The following SEPTIN11 variants were observed in gnomAD, a reference collection of about 807,000 sequenced individuals.
The protein encoded by SEPTIN11 is septin 11, also known as septin-11.
In SEPTIN11, 25 loss-of-function variants were observed where a neutral mutation model predicts 51.4. The ratio of observed to expected loss-of-function variants is 0.49; its 90% CI spans 0.35 to 0.68. The LOEUF is 0.68. SEPTIN11 is among the 30% of genes least tolerant of loss of function. The pLI is 0.00. For synonymous variants in SEPTIN11, 174 were observed against 184.1 expected (o/e 0.95, Z 0.44); for missense variants, 381 against 520.8 (o/e 0.73, Z 2.61).
chr4:76,979,462 A>G (rs1424939664), intron 1 of SEPTIN11, among the ~76,000 whole-genome samples: 2 of 152,216 alleles, frequency 1.3e-5, no homozygotes, highest in Admixed American at 1.3e-4. Flanking sequence ...TGGTGGACTT[A>G]GAATCTGGCA....
At chr4:76,995,894 A>C (rs1426454019) in intron 1 of SEPTIN11, 1 of 1,535,538 alleles carries the variant, frequency 6.5e-7, no homozygotes, top group African/African-American at 1.4e-5. Flanking sequence ...GGAGGAGAGG[A>C]AACCAGCTCA....
At chr4:76,985,320 T>C (rs1358057171) in intron 1 of SEPTIN11, among the ~76,000 whole-genome samples, 1 of 152,248 alleles carries the variant, frequency 6.6e-6, no homozygotes, top group African/African-American at 2.4e-5. Context: ...GCTCTAGCTT[T>C]GTACAGTTTT....
At chr4:76,980,833 C>A (rs193282106) in intron 1 of SEPTIN11, among the ~76,000 whole-genome samples, 2 of 152,312 alleles carry the variant, frequency 1.3e-5, no homozygotes, top group Admixed American at 6.5e-5. Context: ...GTTTGTCTTT[C>A]ACCCTGAGTC....
At chr4:77,026,456 G>A (rs555368679) in intron 7 of SEPTIN11, among the ~76,000 whole-genome samples, 19 of 152,278 alleles carry the variant, frequency 1.2e-4, no homozygotes, top group African/African-American at 4.6e-4. Flanking sequence ...GCCTCTCCAG[G>A]ACTGAACTTC....
At chr4:76,992,034 A>G (rs759269887) in intron 1 of SEPTIN11, among the ~76,000 whole-genome samples, 5 of 152,254 alleles carry the variant, frequency 3.3e-5, no homozygotes, top group Non-Finnish European at 5.9e-5. Flanking sequence ...TTACCTAATT[A>G]CAAATCCTTA....
chr4:76,996,656 A>G (rs1166332452), intron 2 of SEPTIN11, 117 bp downstream of exon 2: 2 of 775,732 alleles, frequency 2.6e-6, no homozygotes, highest in Non-Finnish European at 4.2e-6. Flanking sequence ...TTCTTTCATC[A>G]GTAAAACAAG....
chr4:77,011,679 A>C, intron 3 of SEPTIN11, 56 bp from the exon 4 acceptor site: 1 of 1,514,834 alleles, frequency 6.6e-7, no homozygotes, highest in Admixed American at 1.7e-5. Flanking sequence ...TGTTGAATGG[A>C]GGATTGTCCT....
At chr4:77,027,987 T>C (rs569528931) in intron 7 of SEPTIN11, among the ~76,000 whole-genome samples, 15 of 152,360 alleles carry the variant, frequency 9.8e-5, no homozygotes, top group Admixed American at 2.6e-4. Flanking sequence ...TTTTCTACAG[T>C]ACCTTTAAAG....
chr4:76,982,007 T>C (rs891568604), intron 1 of SEPTIN11, among the ~76,000 whole-genome samples: 10 of 152,214 alleles, frequency 6.6e-5, no homozygotes, highest in African/African-American at 2.4e-4. Context: ...TAGCACATCC[T>C]GGGCATAATG....
intron 9 of SEPTIN11, 63 bp downstream of exon 9, chr4:77,031,033 T>C (rs16996592): frequency 0.029 from 42,652 of 1,450,418 alleles, 893 homozygotes; most frequent in African/African-American, 0.088. Flanking sequence ...TGCATGTCTC[T>C]ACTTTTCCCA....
At chr4:76,977,430 C>G (rs1294985972) in intron 1 of SEPTIN11, among the ~76,000 whole-genome samples, 1 of 152,084 alleles carries the variant, frequency 6.6e-6, no homozygotes, top group Non-Finnish European at 1.5e-5. Flanking sequence ...AAATGGGGGT[C>G]TAAGTAAATA....
At chr4:77,013,467 C>G (rs1279624584) in intron 4 of SEPTIN11, among the ~76,000 whole-genome samples, 1 of 152,130 alleles carries the variant, frequency 6.6e-6, no homozygotes, top group African/African-American at 2.4e-5. Flanking sequence ...ATCAATTTGG[C>G]CAAGAAAGAG....
chr4:76,991,795 C>T (rs1483138395), intron 1 of SEPTIN11, among the ~76,000 whole-genome samples: 1 of 152,188 alleles, frequency 6.6e-6, no homozygotes, highest in Non-Finnish European at 1.5e-5. Context: ...CATTGTAAAA[C>T]CTCTTAAGGG....
chr4:77,003,891 T>C (rs1724298759), intron 2 of SEPTIN11, among the ~76,000 whole-genome samples: 2 of 152,160 alleles, frequency 1.3e-5, no homozygotes, highest in African/African-American at 2.4e-5. Context: ...TAGGAACATA[T>C]TGGGATTAGA....
At chr4:77,029,291 A>C (rs1726417984) in intron 8 of SEPTIN11, among the ~76,000 whole-genome samples, 1 of 152,068 alleles carries the variant, frequency 6.6e-6, no homozygotes, top group Admixed American at 6.6e-5. Flanking sequence ...GCTTCCTAGA[A>C]GTTAACATAG....
intron 1 of SEPTIN11, 111 bp from the exon 2 acceptor site, chr4:76,996,314 T>C (rs1723716077): frequency 2.4e-6 from 2 of 825,604 alleles, no homozygotes; most frequent in Non-Finnish European, 4.0e-6. Context: ...GAGGGTCTCC[T>C]TTTTCCATGT....
In SEPTIN11 at chr4:76,979,757, C is replaced by T. The variant is rs546363996; in HGVS notation, c.28-16668C>T. On this transcript the variant is annotated intron_variant, in intron 1 of 9. Coordinates refer to ENST00000264893, the MANE Select transcript of SEPTIN11 (RefSeq NM_018243.4). ...AAAATTAGCCGAGCGTGCTGGTGGG[C>T]GCCTGTAATCCCAGCTAGTTGGGAT... Among the ~76,000 whole-genome samples the T allele has an allele frequency of 2.0e-3, 299 of 151,420 alleles. 3 individuals carry two copies. Among genetic ancestry groups the T allele is most frequent in the African/African-American group, 6.5e-3 (269 of 41,204 alleles).
rs769449041 is a variant in SEPTIN11, at chr4:77,014,989, C to A, written c.659C>A (p.Thr220Lys). 1 of 1,613,672 alleles carries A rather than the reference C, an allele frequency of 6.2e-7. No homozygotes were observed. Among genetic ancestry groups the A allele is most frequent in the South Asian group, 1.1e-5 (1 of 90,914 alleles). Residue 220 changes from threonine (T) to lysine (K), a missense_variant, in exon 5 of 10, where the codon ACG becomes AAG. By Grantham distance (78) the Thr-to-Lys change is moderately conservative (BLOSUM62 -1). This residue lies in a region of SEPTIN11 where 197 missense variants were observed against 313.1 expected (regional missense o/e 0.63). Transcript: ENST00000264893. ...TATCAGTTTCCCACTGATGAAGAAA[C>A]GGTGGCAGAGATTAACGCAACAATG... ...QIYQFPTDEE[T>K]VAEINATMSV...
intron 9 of SEPTIN11, among the ~76,000 whole-genome samples, chr4:77,032,871 C>T (rs1726755985): frequency 6.6e-6 from 1 of 151,066 alleles, no homozygotes; most frequent in Admixed American, 6.6e-5. Context: ...GAGGTTTTTC[C>T]TTGCCCTTTT....
Sources: gnomAD v4.1 joint callset for allele counts (sites outside exome capture counted in the v4.1 genomes callset) on GRCh38, gnomAD v4.1.1 for gene constraint, gnomAD v4.1.1 regional missense constraint, MANE v1.5 for transcripts, NCBI Gene and HGNC (gene_info 2026-07-23, HGNC 2026-07-21) for gene names.